MKNK2: variants seen among roughly 807,000 people sequenced by gnomAD.
MKNK2 encodes the protein MAP kinase-interacting serine/threonine-protein kinase 2.
A neutral mutation model predicts 55.0 loss-of-function variants in MKNK2; 54 were observed. The ratio of observed to expected loss-of-function variants is 0.98; its 90% CI spans 0.79 to 1.23. The LOEUF is 1.23. MKNK2 is among the 50% of genes most tolerant of loss of function. MKNK2 has a pLI of 0.00. For missense variants in MKNK2, 685 were observed against 632.1 expected (o/e 1.08, Z -0.90); for synonymous variants, 323 against 256.0 (o/e 1.26, Z -2.50).
At chr19:2,045,815 TAG>T (rs2016983922) in intron 5 of MKNK2, among the ~76,000 whole-genome samples, 1 of 152,180 alleles carries the variant, frequency 6.6e-6, no homozygotes, top group Non-Finnish European at 1.5e-5. Flanking sequence ...CGCCCAGGGC[TAG>T]AGTGACACAG....
At position 2,038,691 on chromosome 19, in the gene MKNK2, C is replaced by T. The variant is rs556605202; in HGVS notation, c.*922G>A. 47 of 985,744 alleles carry T rather than the reference C, an allele frequency of 4.8e-5. 1 individual carries two copies. The South Asian group carries it at 1.6e-3, about 34-fold the overall frequency. 61.1% of individuals were successfully genotyped at this position (985,744 alleles called of 1,614,324 possible). A position where few individuals can be genotyped will look rare whatever the true frequency, so the allele number is the denominator to read the frequency against. On this transcript the variant is annotated 3_prime_UTR_variant, in exon 14 of 14. Transcript: ENST00000250896. The stretch of plus-strand genomic sequence containing the variant: ...GGCGGCGCGAGGCAGGACGTGGCTA[C>T]GGTCAGACTGAGCCCTGAGAAGGGG...
At chr19:2,045,442 C>T (rs960479533) in intron 5 of MKNK2, among the ~76,000 whole-genome samples, 16 of 152,126 alleles carry the variant, frequency 1.1e-4, no homozygotes, top group South Asian at 2.1e-4. Flanking sequence ...AGGGACCGTC[C>T]GTACTGTGTC....
Position 2,046,304 on chromosome 19 carries a change from C to T in MKNK2, c.242-21G>A, listed in dbSNP as rs548322900. The T allele has an allele frequency of 3.4e-5, 55 of 1,603,090 alleles. No homozygotes were observed. The East Asian group carries it at 1.1e-3, about 33-fold the overall frequency. On this transcript the variant is annotated intron_variant, in intron 4 of 13. Transcript: ENST00000250896. ...GACGTCTGCCGGGCAGCGGGGCGGGCGTGAGAGGGACCCTGGCTTTTCCCC... is the reference window on the plus strand; with the variant it reads ...GACGTCTGCCGGGCAGCGGGGCGGGTGTGAGAGGGACCCTGGCTTTTCCCC...
At chr19:2,048,690 G>A (rs908225615) in intron 2 of MKNK2, among the ~76,000 whole-genome samples, 1 of 152,142 alleles carries the variant, frequency 6.6e-6, no homozygotes, top group Non-Finnish European at 1.5e-5. Flanking sequence ...GGAGGCCAGA[G>A]GGCAGAGTCT....
chr19:2,039,433 AG>A lies in MKNK2; in HGVS notation c.*179del, dbSNP rs1568234283. ...AAAAATAACGGGGAGGGGTGGAAAC[AG>A]GAAAAAAAAAACCCAAAAGCAAAAA... On this transcript the variant is annotated 3_prime_UTR_variant, in exon 14 of 14. Coordinates refer to ENST00000250896, the MANE Select transcript of MKNK2 (RefSeq NM_199054.3). 1.4e-6 allele frequency: 2 copies of A among 1,381,104 alleles called. No homozygotes were observed. Among genetic ancestry groups the A allele is most frequent in the East Asian group, 2.6e-5 (1 of 39,120 alleles). 85.6% of individuals were successfully genotyped at this position (1,381,104 alleles called of 1,614,324 possible).
rs1471595757 is a variant in MKNK2, at chr19:2,042,779, A to G, written c.585T>C (p.Phe195=). The G allele has an allele frequency of 2.5e-6, 4 of 1,577,790 alleles. No individual in the cohort carries two copies. Among genetic ancestry groups the G allele is most frequent in the African/African-American group, 2.7e-5 (2 of 74,202 alleles). ...VVQDVASALD[F]LHNKGIAHRD... Reference sequence around the variant, plus strand: ...GTCACCACCTACCTTTGTTATGCAGAAAGTCCAAGGCGCTGGCCACGTCCT... The same window carrying G: ...GTCACCACCTACCTTTGTTATGCAGGAAGTCCAAGGCGCTGGCCACGTCCT... The change falls in exon 8 of 14, where the codon TTT becomes TTC. Residue 195 remains phenylalanine (F), a synonymous_variant. Transcript: ENST00000250896.
In MKNK2 at chr19:2,037,900, T is replaced by A; in HGVS notation, c.*1713A>T. 4.1e-6 allele frequency: 6 copies of A among 1,459,686 alleles called. No homozygotes were observed. Among genetic ancestry groups the A allele is most frequent in the Non-Finnish European group, 5.5e-6 (6 of 1,090,348 alleles). The allele number at this position is 1,459,686 out of a possible 1,614,324, so 90.4% of individuals were successfully genotyped here. A position where few individuals can be genotyped will look rare whatever the true frequency, so the allele number is the denominator to read the frequency against. ...CTCAGCTTTAGAGACCCGATGGCTATGGGCGCCTGCAGCGGGCGGGGGTCC... is the reference window on the plus strand; with the variant it reads ...CTCAGCTTTAGAGACCCGATGGCTAAGGGCGCCTGCAGCGGGCGGGGGTCC... On this transcript the variant is annotated 3_prime_UTR_variant, in exon 14 of 14. Transcript: ENST00000250896.
In MKNK2 at chr19:2,042,422, C is replaced by G; in HGVS notation, c.750+5G>C. 1 of 1,569,250 alleles carries G rather than the reference C, an allele frequency of 6.4e-7. No homozygotes were observed. The highest frequency in any genetic ancestry group is 2.3e-5 in the East Asian group (1 of 43,082). The stretch of plus-strand genomic sequence containing the variant: ...GAGCCCCCAGCCCTCCCCGCGGGCC[C>G]TCACCGGAGTGAGCAGCTCCGGGGT... On this transcript the variant is annotated splice_donor_5th_base_variant and intron_variant, in intron 10 of 13. Coordinates refer to ENST00000250896, the MANE Select transcript of MKNK2 (RefSeq NM_199054.3).
rs373373714 is a variant in MKNK2 at position 2,042,687 on chromosome 19, G to T, written c.599-25C>A. On this transcript the variant is annotated intron_variant, in intron 8 of 13. Transcript: ENST00000250896. The stretch of plus-strand genomic sequence containing the variant: ...CCTGGGGGAGAAGCCACAGAACCAC[G>T]ACGGGGTGAGGGTCTGGAGGTCTTC... The T allele has an allele frequency of 1.0e-5, 16 of 1,557,186 alleles. No homozygotes were observed. The Middle Eastern group carries it at 8.4e-4, about 81-fold the overall frequency.
At chr19:2,041,270 T>C in intron 11 of MKNK2, 66 bp from the exon 12 acceptor site, 1 of 1,539,868 alleles carries the variant, frequency 6.5e-7, no homozygotes, top group East Asian at 2.3e-5. Context: ...CACTGACACG[T>C]GGCTCCAACC....
In MKNK2 at chr19:2,038,670, G is replaced by A. The variant is rs2016806981; in HGVS notation, c.*943C>T. ...GCTTCCAGGTCAGGCCCGAGGGGCG[G>A]CGCGAGGCAGGACGTGGCTACGGTC... On this transcript the variant is annotated 3_prime_UTR_variant, in exon 14 of 14. Transcript: ENST00000250896. 3 of 985,788 alleles carry A rather than the reference G, an allele frequency of 3.0e-6. No individual in the cohort carries two copies. The highest frequency in any genetic ancestry group is 1.7e-5 in the African/African-American group (1 of 57,368). The allele number at this position is 985,788 out of a possible 1,614,324, so 61.1% of individuals were successfully genotyped here.
Position 2,039,814 on chromosome 19 carries a change from G to T in MKNK2, c.1197C>A (p.Ala399=). 1 of 1,603,950 alleles carries T rather than the reference G, an allele frequency of 6.2e-7. No individual in the cohort carries two copies. Residue 399 remains alanine, a synonymous_variant, in exon 14 of 14, where the codon GCC becomes GCA. Transcript: ENST00000250896. ...GGGCCAGCTGCCGGTTCATGGCAAT[G>T]GCCTCAGCCGCGAAGGACGTGAGGT... The part of the protein sequence containing the change: ...AKDLTSFAAE[A]IAMNRQLAQH...
At position 2,039,283 on chromosome 19, in the gene MKNK2, G is replaced by C. The variant is rs987736298; in HGVS notation, c.*330C>G. 1 of 1,183,888 alleles carries C rather than the reference G, an allele frequency of 8.4e-7. No homozygotes were observed. The highest frequency in any genetic ancestry group is 3.0e-5 in the South Asian group (1 of 33,098). 73.3% of individuals were successfully genotyped at this position (1,183,888 alleles called of 1,614,324 possible). A position where few individuals can be genotyped will look rare whatever the true frequency, so the allele number is the denominator to read the frequency against. On this transcript the variant is annotated 3_prime_UTR_variant, in exon 14 of 14. Transcript: ENST00000250896. The stretch of plus-strand genomic sequence containing the variant: ...ACGTGGGCAGATGGCGGGCAGCACA[G>C]GTGACCTGGGGGCACCTTCATAGTA...
chr19:2,050,905 C>T lies in MKNK2; in HGVS notation c.-54G>A. On this transcript the variant is annotated 5_prime_UTR_variant, in exon 2 of 14. Coordinates refer to ENST00000250896, the MANE Select transcript of MKNK2 (RefSeq NM_199054.3). The stretch of plus-strand genomic sequence containing the variant: ...GGGGACCGAGGGCCCGGGGGGAGGC[C>T]CGAGGGCGGGCGGCCGGGCGGGGGG... 1 of 1,404,058 alleles carries T rather than the reference C, an allele frequency of 7.1e-7. No homozygotes were observed. Among genetic ancestry groups the T allele is most frequent in the Non-Finnish European group, 9.5e-7 (1 of 1,052,890 alleles). 87.0% of individuals were successfully genotyped at this position (1,404,058 alleles called of 1,614,324 possible). A position where few individuals can be genotyped will look rare whatever the true frequency, so the allele number is the denominator to read the frequency against.
Position 2,038,469 on chromosome 19 carries a change from A to C in MKNK2, c.*1144T>G. Reference sequence around the variant, plus strand: ...AGGCTCCGCAGCCCCCGGGGGTTGGAGCATGGAGGGTGGGGGGACTGAGCA... The same window carrying C: ...AGGCTCCGCAGCCCCCGGGGGTTGGCGCATGGAGGGTGGGGGGACTGAGCA... On this transcript the variant is annotated 3_prime_UTR_variant, in exon 14 of 14. Transcript: ENST00000250896. The C allele has an allele frequency of 2.0e-6, 2 of 985,226 alleles. No individual in the cohort carries two copies. Among genetic ancestry groups the C allele is most frequent in the South Asian group, 9.4e-5 (2 of 21,276 alleles). The allele number at this position is 985,226 out of a possible 1,614,324, so 61.0% of individuals were successfully genotyped here.
intron 2 of MKNK2, among the ~76,000 whole-genome samples, chr19:2,049,682 G>C (rs559989373): frequency 6.6e-6 from 1 of 152,334 alleles, no homozygotes; most frequent in South Asian, 2.1e-4. Flanking sequence ...ATCAGCTCAT[G>C]CCTGGCCCTA....
In MKNK2 at chr19:2,039,578, A is replaced by G; in HGVS notation, c.*35T>C. ...AAAAACCTTTAGATTTGATTGGGGG[A>G]CGGGTGACCTATGTACAGAGGGGAG... On this transcript the variant is annotated 3_prime_UTR_variant, in exon 14 of 14. Coordinates refer to ENST00000250896, the MANE Select transcript of MKNK2 (RefSeq NM_199054.3). 6 of 1,574,308 alleles carry G rather than the reference A, an allele frequency of 3.8e-6. No homozygotes were observed. Among genetic ancestry groups the G allele is most frequent in the Non-Finnish European group, 5.2e-6 (6 of 1,155,498 alleles).
At chr19:2,048,105 C>T (rs1302687201) in intron 2 of MKNK2, among the ~76,000 whole-genome samples, 2 of 152,178 alleles carry the variant, frequency 1.3e-5, no homozygotes, top group Non-Finnish European at 2.9e-5. Context: ...CTGCACTCTC[C>T]CATTTCAGTG....
rs922109867 is a variant in MKNK2 at position 2,043,205 on chromosome 19, G to C, written c.420-8C>G. On this transcript the variant is annotated splice_polypyrimidine_tract_variant and splice_region_variant and intron_variant, in intron 6 of 13. Transcript: ENST00000250896. Reference sequence around the variant, plus strand: ...ATCAGCTCTAGGACGTTCCTGGGGTGGGGGTGGGGGCAGGAGAGGAGCTGA... The same window carrying C: ...ATCAGCTCTAGGACGTTCCTGGGGTCGGGGTGGGGGCAGGAGAGGAGCTGA... The C allele has an allele frequency of 2.7e-5, 44 of 1,604,110 alleles. No homozygotes were observed. The highest frequency in any genetic ancestry group is 3.7e-5 in the Non-Finnish European group (43 of 1,171,406).
Sources: allele counts gnomAD v4.1 joint callset (sites outside exome capture counted in the v4.1 genomes callset), GRCh38; gene constraint gnomAD v4.1.1; transcripts MANE v1.5; gene names NCBI Gene and HGNC (gene_info 2026-07-23, HGNC 2026-07-21).